BSN: variants seen among roughly 807,000 people sequenced by gnomAD.
The protein encoded by BSN is bassoon presynaptic cytomatrix protein, also known as protein bassoon.
A neutral mutation model predicts 264.8 loss-of-function variants in BSN; 57 were observed. The observed-to-expected ratio is 0.22, with a 90% CI of 0.17 to 0.27. The LOEUF is 0.27. Ranked by LOEUF, BSN falls within the 10% of genes least tolerant of loss-of-function variation. The probability of loss-of-function intolerance (pLI) is 1.00; values close to 1 mark genes in which losing one functional copy is unlikely to be tolerated. For missense variants in BSN, 4,615 were observed against 5,232.5 expected (o/e 0.88, Z 3.64); for synonymous variants, 2,059 against 2,137.3 (o/e 0.96, Z 1.01).
intron 1 of BSN, among the ~76,000 whole-genome samples, chr3:49,605,898 G>GATATAAATATATTTATA (rs1169981252): frequency 0.25 from 20,224 of 79,930 alleles, 3,012 homozygotes; most frequent in Middle Eastern, 0.29. Context: ...ATATATTTAT[G>GATATAAATATATTTATA]TCTATATAAA....
Position 49,663,530 on chromosome 3 carries a change from A to T in BSN, c.11372A>T (p.Gln3791Leu). The T allele has an allele frequency of 6.2e-7, 1 of 1,612,620 alleles. No homozygotes were observed. The stretch of plus-strand genomic sequence containing the variant: ...CAAGGTCTTGGGCTGCAGCCCCCAC[A>T]GCAGGCTCTGACACAGGCTCGGCTG... ...QQQGLGLQPP[Q>L]QALTQARLQQ... Residue 3791 changes from glutamine (Q) to leucine (L), a missense_variant, in exon 7 of 12, where the codon CAG becomes CTG. Gln to Leu is a moderately radical substitution (Grantham distance 113, BLOSUM62 -2). Coordinates refer to ENST00000296452, the MANE Select transcript of BSN (RefSeq NM_003458.4).
chr3:49,566,918 C>G (rs1575425091), intron 1 of BSN, among the ~76,000 whole-genome samples: 1 of 151,248 alleles, frequency 6.6e-6, no homozygotes, highest in African/African-American at 2.4e-5. Context: ...TAGCTAGATC[C>G]ATTATTTCAT....
chr3:49,657,297 G>A lies in BSN; in HGVS notation c.7741G>A (p.Ala2581Thr), dbSNP rs1382914445. Residue 2581 changes from alanine (A) to threonine (T), a missense_variant, in exon 5 of 12, where the codon GCC (alanine) becomes ACC (threonine). Around this residue, in one of 3 missense-constraint regions of BSN, gnomAD observed 3,415 missense variants for 3,866.4 expected, o/e 0.88. Coordinates refer to ENST00000296452, the MANE Select transcript of BSN (RefSeq NM_003458.4). ...GTEPCVVRRI[A>T]DSSVQTDDED... The stretch of plus-strand genomic sequence containing the variant: ...TGAGCCCTGTGTGGTCAGGAGGATT[G>A]CCGACAGCAGCGTGCAGACAGACGA... The A allele has an allele frequency of 7.4e-6, 12 of 1,613,362 alleles. No homozygotes were observed. The highest frequency in any genetic ancestry group is 9.3e-6 in the Non-Finnish European group (11 of 1,179,888).
rs759986373 is a variant in BSN at position 49,671,184 on chromosome 3, CTCAT to C, written c.*3703_*3706del. 1 of 152,354 alleles carries C rather than the reference CTCAT, an allele frequency of 6.6e-6. No individual in the cohort carries two copies. Among genetic ancestry groups the C allele is most frequent in the Non-Finnish European group, 1.5e-5 (1 of 68,272 alleles). 9.4% of individuals were successfully genotyped at this position (152,354 alleles called of 1,614,324 possible). A position where few individuals can be genotyped will look rare whatever the true frequency, so the allele number is the denominator to read the frequency against. ...TGTGTGTGTGTGTGTGTGTTTCTGCCTCATTCAGTTTCTGGGGTCAAATCAGCTC... is the reference window on the plus strand; with the variant it reads ...TGTGTGTGTGTGTGTGTGTTTCTGCCTCAGTTTCTGGGGTCAAATCAGCTC... On this transcript the variant is annotated 3_prime_UTR_variant, in exon 12 of 12. Coordinates refer to ENST00000296452, the MANE Select transcript of BSN (RefSeq NM_003458.4). The surrounding 1 kb of genome is among the most constrained non-coding windows in gnomAD (Gnocchi z 4.1).
chr3:49,580,442 T>C (rs905491719), intron 1 of BSN, among the ~76,000 whole-genome samples: 1 of 152,170 alleles, frequency 6.6e-6, no homozygotes, highest in African/African-American at 2.4e-5. Flanking sequence ...CGTATTACAT[T>C]ATAAATTTTT....
chr3:49,651,841 A>G lies in BSN; in HGVS notation c.2285A>G (p.His762Arg), dbSNP rs749961279. Reference sequence around the variant, plus strand: ...GGCGAGGAGCAGAAGCAGCGGCCCCACTCCTTGTCCATCACGCCTGAGGCC... The same window carrying G: ...GGCGAGGAGCAGAAGCAGCGGCCCCGCTCCTTGTCCATCACGCCTGAGGCC... ...GTGEEQKQRP[H>R]SLSITPEAFD... The change falls in exon 5 of 12, where the codon CAC (histidine) becomes CGC (arginine). Residue 762 changes from histidine (H) to arginine (R), a missense_variant. By Grantham distance (29) the His-to-Arg change is conservative (BLOSUM62 0). This residue lies in a region of BSN where 1,197 missense variants were observed against 1,348.0 expected (regional missense o/e 0.89). Coordinates refer to ENST00000296452, the MANE Select transcript of BSN (RefSeq NM_003458.4). The surrounding 1 kb of genome is among the most constrained non-coding windows in gnomAD (Gnocchi z 5.4). The G allele has an allele frequency of 3.7e-6, 6 of 1,613,616 alleles. No individual in the cohort carries two copies. Among genetic ancestry groups the G allele is most frequent in the Non-Finnish European group, 8.5e-7 (1 of 1,180,008 alleles).
At position 49,656,551 on chromosome 3, in the gene BSN, C is replaced by T. The variant is rs778069567; in HGVS notation, c.6995C>T (p.Ala2332Val). Residue 2332 changes from alanine to valine, a missense_variant, in exon 5 of 12, where the codon GCT becomes GTT. Physicochemically the swap from Ala to Val is moderately conservative, Grantham distance 64. This residue lies in a region of BSN where 3,415 missense variants were observed against 3,866.4 expected (regional missense o/e 0.88). Coordinates refer to ENST00000296452, the MANE Select transcript of BSN (RefSeq NM_003458.4). ...GGAGCCCCAGCTCCTGCCCCACTAG[C>T]TGGCCAGAAGCCACCAGCAGATGCT... is the stretch of plus-strand genomic sequence containing the variant. ...AAGAPAPAPL[A>V]GQKPPADAAP... The T allele has an allele frequency of 6.4e-7, 1 of 1,566,512 alleles. No individual in the cohort carries two copies. Among genetic ancestry groups the T allele is most frequent in the South Asian group, 1.2e-5 (1 of 84,436 alleles).
rs1575455015 is a variant in BSN at position 49,668,519 on chromosome 3, A to C, written c.*1034A>C. On this transcript the variant is annotated 3_prime_UTR_variant, in exon 12 of 12. Transcript: ENST00000296452. Reference sequence around the variant, plus strand: ...TTTCCTCTCTGCTCTGCCCCTGCTCAGCACAGGGAGAATGTTGACTTAGAA... The same window carrying C: ...TTTCCTCTCTGCTCTGCCCCTGCTCCGCACAGGGAGAATGTTGACTTAGAA... The C allele has an allele frequency of 6.6e-6, 1 of 152,364 alleles. No homozygotes were observed. The highest frequency in any genetic ancestry group is 1.9e-4 in the East Asian group (1 of 5,158). 9.4% of individuals were successfully genotyped at this position (152,364 alleles called of 1,614,324 possible).
rs1034532128 is a variant in BSN at position 49,554,755 on chromosome 3, A to G, written c.153A>G (p.Ala51=). The G allele has an allele frequency of 1.6e-6, 2 of 1,212,518 alleles. No individual in the cohort carries two copies. The highest frequency in any genetic ancestry group is 2.1e-6 in the Non-Finnish European group (2 of 975,354). 75.1% of individuals were successfully genotyped at this position (1,212,518 alleles called of 1,614,324 possible). A position where few individuals can be genotyped will look rare whatever the true frequency, so the allele number is the denominator to read the frequency against. Residue 51 remains alanine, a synonymous_variant, in exon 1 of 12, where the codon GCA becomes GCG. Transcript: ENST00000296452. ...AGGGQLPAAG[A]ARSTAVPPVP... ...GCGGACAGCTCCCCGCGGCGGGAGC[A>G]GCGCGGTCGACCGCGGTACCACCGG...
chr3:49,584,992 A>G lies in BSN; in HGVS notation c.224+30166A>G, dbSNP rs558905722. Among the ~76,000 whole-genome samples, 6 of 152,312 alleles carry G rather than the reference A, an allele frequency of 3.9e-5. No individual in the cohort carries two copies. In the South Asian group the frequency reaches 1.2e-3, roughly 32 times the overall value. ...TCTCATTCTTTTTTTATGGCTGAGTAGTACTCCACTGTATATACGTGCCAC... is the reference window on the plus strand; with the variant it reads ...TCTCATTCTTTTTTTATGGCTGAGTGGTACTCCACTGTATATACGTGCCAC... On this transcript the variant is annotated intron_variant, in intron 1 of 11. Coordinates refer to ENST00000296452, the MANE Select transcript of BSN (RefSeq NM_003458.4).
Position 49,656,443 on chromosome 3 carries a change from C to T in BSN, c.6887C>T (p.Pro2296Leu). 6.3e-7 allele frequency: 1 copy of T among 1,593,588 alleles called. No individual in the cohort carries two copies. Residue 2296 changes from proline to leucine, a missense_variant, in exon 5 of 12, where the codon CCT (proline) becomes CTT (leucine). By Grantham distance (98) the Pro-to-Leu change is moderately conservative. This residue lies in a region of BSN where 3,415 missense variants were observed against 3,866.4 expected (regional missense o/e 0.88). Coordinates refer to ENST00000296452, the MANE Select transcript of BSN (RefSeq NM_003458.4). ...AAAKAPGAGG[P>L]SRPEMPVGAA... is the part of the protein sequence containing the mutation. ...GCCAAGGCCCCTGGGGCTGGGGGCC[C>T]TTCAAGGCCAGAGATGCCAGTAGGG...
At position 49,662,157 on chromosome 3, in the gene BSN, G is replaced by A. The variant is rs1251682104; in HGVS notation, c.10312G>A (p.Gly3438Ser). The A allele has an allele frequency of 6.2e-7, 1 of 1,612,616 alleles. No individual in the cohort carries two copies. Among genetic ancestry groups the A allele is most frequent in the Admixed American group, 1.7e-5 (1 of 60,028 alleles). ...CGCAGTGGAGGACGACCGCATTTAT[G>A]GCGGGAGCAGCCGGTCCCGGGCACC... ...RDAVEDDRIY[G>S]GSSRSRAPSA... Residue 3438 changes from glycine (G) to serine (S), a missense_variant, in exon 6 of 12, where the codon GGC becomes AGC. By Grantham distance (56) the Gly-to-Ser change is moderately conservative (BLOSUM62 0). Around this residue, in one of 3 missense-constraint regions of BSN, gnomAD observed 3,415 missense variants for 3,866.4 expected, o/e 0.88. Coordinates refer to ENST00000296452, the MANE Select transcript of BSN (RefSeq NM_003458.4).
chr3:49,596,303 C>T (rs1202594030), intron 1 of BSN, among the ~76,000 whole-genome samples: 1 of 152,084 alleles, frequency 6.6e-6, no homozygotes, highest in Non-Finnish European at 1.5e-5. Flanking sequence ...ACTCGGGAGG[C>T]TGAGGCAGGA....
At chr3:49,602,768 C>T (rs968238699) in intron 1 of BSN, among the ~76,000 whole-genome samples, 2 of 152,096 alleles carry the variant, frequency 1.3e-5, no homozygotes, top group East Asian at 1.9e-4. Context: ...TCAATTTCCT[C>T]GTCTAGACCT....
At chr3:49,648,376 C>T (rs1183859915) in intron 3 of BSN, among the ~76,000 whole-genome samples, 3 of 152,236 alleles carry the variant, frequency 2.0e-5, no homozygotes, top group Non-Finnish European at 4.4e-5. Context: ...TGCCTTGGGC[C>T]AGCCCACTGG....
At chr3:49,563,743 C>A (rs2051733018) in intron 1 of BSN, among the ~76,000 whole-genome samples, 1 of 152,130 alleles carries the variant, frequency 6.6e-6, no homozygotes, top group Admixed American at 6.5e-5. Flanking sequence ...TGTATCCAAC[C>A]CCCAACAAAT....
In BSN at chr3:49,652,310, C is replaced by T. The variant is rs764172431; in HGVS notation, c.2754C>T (p.Thr918=). Residue 918 remains threonine (T), a synonymous_variant, in exon 5 of 12, where the codon ACC becomes ACT. Transcript: ENST00000296452. ...LLPEGGSAEA[T]DGSGTLQGGL... The stretch of plus-strand genomic sequence containing the variant: ...CTGAGGGAGGCTCAGCAGAGGCTAC[C>T]GATGGCAGTGGGACCCTGCAGGGTG... The T allele has an allele frequency of 8.1e-6, 13 of 1,596,988 alleles. No individual in the cohort carries two copies. The East Asian group carries it at 1.6e-4, about 19-fold the overall frequency.
At chr3:49,649,153 C>T (rs1453015814) in intron 3 of BSN, among the ~76,000 whole-genome samples, 5 of 152,210 alleles carry the variant, frequency 3.3e-5, no homozygotes, top group Admixed American at 2.0e-4. Context: ...AGGGCAGGCA[C>T]CCTGGGGGTA....
intron 1 of BSN, among the ~76,000 whole-genome samples, chr3:49,584,821 T>A (rs2108018655): frequency 6.6e-6 from 1 of 152,318 alleles, no homozygotes; most frequent in South Asian, 2.1e-4. Flanking sequence ...ACTATCCTTC[T>A]CTTCTCCATG....
Sources: allele counts gnomAD v4.1 joint callset (sites outside exome capture counted in the v4.1 genomes callset), GRCh38; gene constraint gnomAD v4.1.1; regional missense constraint gnomAD v4.1.1; non-coding constraint Gnocchi (gnomAD v3.1); transcripts MANE v1.5; gene names NCBI Gene and HGNC (gene_info 2026-07-23, HGNC 2026-07-21).